Variants in OPRM1 observed in about 807,000 individuals in gnomAD.
The protein encoded by OPRM1 is mu-type opioid receptor.
In OPRM1, 27 loss-of-function variants were observed where a neutral mutation model predicts 31.8. The ratio of observed to expected loss-of-function variants is 0.85; its 90% CI spans 0.63 to 1.17. OPRM1 has a LOEUF of 1.17. Among genes scored for constraint, OPRM1 ranks in the 50% most tolerant of loss-of-function variants. The pLI is 0.00. For missense variants in OPRM1, 536 were observed against 511.1 expected (o/e 1.05, Z -0.47); for synonymous variants, 196 against 189.9 (o/e 1.03, Z -0.26).
intron 1 of OPRM1, among the ~76,000 whole-genome samples, chr6:154,052,250 CAATT>C (rs553778337): frequency 1.1e-3 from 160 of 152,256 alleles, no homozygotes; most frequent in Non-Finnish European, 1.6e-4. Flanking sequence ...ACCTAGATGA[CAATT>C]GATAGGTGCA....
chr6:154,014,741 C>T (rs1777911621), intron 1 of OPRM1, among the ~76,000 whole-genome samples: 1 of 151,974 alleles, frequency 6.6e-6, no homozygotes, highest in Admixed American at 6.6e-5. Context: ...GTAGTTTTCC[C>T]ATTACTATAA....
chr6:154,084,917 A>AAC (rs71669485), intron 1 of OPRM1, among the ~76,000 whole-genome samples: 13,558 of 146,338 alleles, frequency 0.093, 793 homozygotes, highest in Admixed American at 0.23. Flanking sequence ...TGTGGAATTA[A>AAC]ACACACACAC....
chr6:154,145,805 T>C (rs1219894932), intron 3 of OPRM1, among the ~76,000 whole-genome samples: 2 of 152,184 alleles, frequency 1.3e-5, no homozygotes, highest in Non-Finnish European at 2.9e-5. Flanking sequence ...TGAACAGAGA[T>C]AGAAAACCCA....
intron 1 of OPRM1, among the ~76,000 whole-genome samples, chr6:154,026,660 C>T (rs1203436036): frequency 6.6e-6 from 1 of 152,116 alleles, no homozygotes; most frequent in Non-Finnish European, 1.5e-5. Flanking sequence ...TTTGTCTCCA[C>T]TGACTGTATT....
intron 1 of OPRM1, among the ~76,000 whole-genome samples, chr6:154,049,299 A>C (rs1027400521): frequency 2.6e-5 from 4 of 152,292 alleles, no homozygotes; most frequent in Middle Eastern, 3.4e-3. Flanking sequence ...ACAACAACAA[A>C]AAAACACAGA....
chr6:154,144,766 A>G (rs1798316905), intron 3 of OPRM1, among the ~76,000 whole-genome samples: 1 of 151,308 alleles, frequency 6.6e-6, no homozygotes, highest in Admixed American at 6.6e-5. Context: ...AAAAAAAAAA[A>G]AAAAAAGAAT....
chr6:154,145,035 T>G (rs1798323276), intron 3 of OPRM1, among the ~76,000 whole-genome samples: 1 of 150,138 alleles, frequency 6.7e-6, no homozygotes, highest in South Asian at 2.1e-4. Flanking sequence ...TACAATTATA[T>G]TTAATGGTGA....
At chr6:154,189,374 T>C (rs1801662760) in intron 3 of OPRM1, among the ~76,000 whole-genome samples, 1 of 152,220 alleles carries the variant, frequency 6.6e-6, no homozygotes, top group Non-Finnish European at 1.5e-5. Flanking sequence ...CAATTCCATT[T>C]CCAGGTGTAT....
Position 154,120,858 on chromosome 6 carries a change from G to A in OPRM1, c.*2137G>A, listed in dbSNP as rs558066701. Among the ~76,000 whole-genome samples the A allele has an allele frequency of 8.7e-4, 133 of 152,266 alleles. No homozygotes were observed. Among genetic ancestry groups the A allele is most frequent in the Non-Finnish European group, 1.5e-3 (99 of 68,016 alleles). On this transcript the variant is annotated 3_prime_UTR_variant, in exon 4 of 4. Transcript: ENST00000330432. ...ACCTGATCTATCTTTTTCCACAAAT[G>A]TCATGTGTGTGAACAAGTTTCTTCC...
At chr6:154,148,916 C>T (rs1379834933) in intron 3 of OPRM1, among the ~76,000 whole-genome samples, 3 of 152,130 alleles carry the variant, frequency 2.0e-5, no homozygotes, top group Non-Finnish European at 2.9e-5. Context: ...AACACAGAGG[C>T]CATGATATTT....
Position 154,091,047 on chromosome 6 carries a change from G to A in OPRM1, c.739G>A (p.Val247Met), listed in dbSNP as rs769540300. Reference protein sequence around the residue: ...CVFIFAFIMPVLIITVCYGLM... With the variant: ...CVFIFAFIMPMLIITVCYGLM... ...TTTCATCTTCGCCTTCATTATGCCA[G>A]TGCTCATCATTACCGTGTGCTATGG... is the stretch of plus-strand genomic sequence containing the variant. Residue 247 changes from valine to methionine, a missense_variant, in exon 3 of 4, where the codon GTG (valine) becomes ATG (methionine). Transcript: ENST00000330432. The A allele has an allele frequency of 2.5e-6, 4 of 1,614,138 alleles. No individual in the cohort carries two copies. The highest frequency in any genetic ancestry group is 3.4e-6 in the Non-Finnish European group (4 of 1,180,030).
At chr6:154,241,097 G>A (rs1480316019) in intron 3 of OPRM1, among the ~76,000 whole-genome samples, 2 of 151,930 alleles carry the variant, frequency 1.3e-5, no homozygotes, top group Admixed American at 6.6e-5. Context: ...TTAGCTGGGC[G>A]TGGTGGTGCA....
At chr6:154,151,418 A>G (rs1798495811) in intron 3 of OPRM1, among the ~76,000 whole-genome samples, 1 of 152,190 alleles carries the variant, frequency 6.6e-6, no homozygotes. Context: ...AGACAAGGGC[A>G]AAAGAGGGGC....
At position 154,086,915 on chromosome 6, in the gene OPRM1, G is replaced by A. The variant is rs1266748899; in HGVS notation, c.291-2911G>A. On this transcript the variant is annotated intron_variant, in intron 1 of 3. Transcript: ENST00000330432. ...AATAAAAAATGTTTCAACTTCTTGA[G>A]CACCAAGGTCAATTATTCTAAATCT... 4 of 983,966 alleles carry A rather than the reference G, an allele frequency of 4.1e-6. No homozygotes were observed. The highest frequency in any genetic ancestry group is 4.8e-6 in the Non-Finnish European group (4 of 828,758). 61.0% of individuals were successfully genotyped at this position (983,966 alleles called of 1,614,324 possible). A position where few individuals can be genotyped will look rare whatever the true frequency, so the allele number is the denominator to read the frequency against.
intron 3 of OPRM1, chr6:154,094,111 T>C: frequency 1.6e-6 from 1 of 606,784 alleles, no homozygotes; most frequent in South Asian, 1.6e-5. Flanking sequence ...TGGTTGTGGA[T>C]GTTTATGTTC....
intron 3 of OPRM1, among the ~76,000 whole-genome samples, chr6:154,193,651 GA>G (rs1266119202): frequency 2.0e-5 from 3 of 152,138 alleles, no homozygotes; most frequent in Non-Finnish European, 4.4e-5. Context: ...AGAAAGAGAA[GA>G]AAAATTGAAG....
intron 3 of OPRM1, among the ~76,000 whole-genome samples, chr6:154,153,684 CAAA>C (rs35352448): frequency 4.5e-5 from 4 of 89,466 alleles, no homozygotes; most frequent in Admixed American, 1.3e-4. Context: ...AACTCTATCT[CAAA>C]AAAAAAAAAA....
In OPRM1 at chr6:154,048,481, G is replaced by A. The variant is rs555956610; in HGVS notation, c.290+8647G>A. On this transcript the variant is annotated intron_variant, in intron 1 of 3. Transcript: ENST00000330432. ...AAAAAAAATTATGCATTTTCTCATGGCCTTATAAAATGTCACTTGATAAAA... is the reference window on the plus strand; with the variant it reads ...AAAAAAAATTATGCATTTTCTCATGACCTTATAAAATGTCACTTGATAAAA... Among the ~76,000 whole-genome samples the A allele has an allele frequency of 4.6e-5, 7 of 152,152 alleles. No homozygotes were observed. In the East Asian group the frequency reaches 9.7e-4, roughly 21 times the overall value.
intron 3 of OPRM1, among the ~76,000 whole-genome samples, chr6:154,152,213 G>A (rs1387664664): frequency 7.6e-6 from 1 of 131,892 alleles, no homozygotes; most frequent in Non-Finnish European, 1.7e-5. Context: ...AAGAAAGAAG[G>A]AAGAAAGAAC....
Sources: gnomAD v4.1 joint callset for allele counts (sites outside exome capture counted in the v4.1 genomes callset) on GRCh38, gnomAD v4.1.1 for gene constraint, MANE v1.5 for transcripts, NCBI Gene and HGNC (gene_info 2026-07-23, HGNC 2026-07-21) for gene names.